Variants in DTNB observed in about 807,000 individuals in gnomAD.
DTNB encodes the protein DTN-B.
Under a neutral mutation model 90.7 loss-of-function variants are expected in DTNB, and 63 were observed. That is an observed-to-expected ratio of 0.69 (90% CI 0.57 to 0.86). DTNB has a LOEUF of 0.86. DTNB is among the 40% of genes least tolerant of loss of function. DTNB has a pLI of 0.00. For missense variants in DTNB, 744 were observed against 807.1 expected, an observed-to-expected ratio of 0.92 and a Z score of 0.95; for synonymous variants, 277 against 286.7, an observed-to-expected ratio of 0.97 and a Z score of 0.34.
At chr2:25,623,600 A>C (rs1286162326) in intron 4 of DTNB, among the ~76,000 whole-genome samples, 1 of 152,200 alleles carries the variant, frequency 6.6e-6, no homozygotes, top group Non-Finnish European at 1.5e-5. Context: ...TGGATTGTTA[A>C]GGTCTCCAGG....
chr2:25,577,164 G>A (rs947567686), intron 7 of DTNB, among the ~76,000 whole-genome samples, 160 bp from the exon 8 acceptor site: 7 of 152,162 alleles, frequency 4.6e-5, no homozygotes, highest in African/African-American at 1.4e-4. Flanking sequence ...GCCGGATGCG[G>A]TGGCTTGCCC....
chr2:25,557,701 G>A (rs1024125900), intron 8 of DTNB, among the ~76,000 whole-genome samples: 9 of 152,148 alleles, frequency 5.9e-5, no homozygotes, highest in Admixed American at 5.9e-4. Context: ...ATTCTTTCCA[G>A]GGAATTCTGG....
intron 1 of DTNB, among the ~76,000 whole-genome samples, chr2:25,663,829 A>G (rs1343796758): frequency 6.6e-6 from 1 of 152,230 alleles, no homozygotes; most frequent in African/African-American, 2.4e-5. Context: ...TCAGTTTTAC[A>G]CCAAACTCAA....
At chr2:25,672,801 C>A (rs1258841362) in intron 1 of DTNB, 1 of 152,218 alleles carries the variant, frequency 6.6e-6, no homozygotes, top group East Asian at 1.9e-4. Context: ...GGAAGGTCTT[C>A]CTAATCCCAA....
At chr2:25,409,316 T>C (rs1278133784) in intron 16 of DTNB, among the ~76,000 whole-genome samples, 5 of 152,340 alleles carry the variant, frequency 3.3e-5, no homozygotes, top group African/African-American at 1.2e-4. Context: ...TCTAGGTTTA[T>C]AGCCTTTCTC....
intron 8 of DTNB, among the ~76,000 whole-genome samples, chr2:25,556,823 C>T (rs577806020): frequency 2.0e-5 from 3 of 152,176 alleles, no homozygotes; most frequent in South Asian, 4.1e-4. Flanking sequence ...AAACTAGAAT[C>T]GCAGATTCAA....
intron 8 of DTNB, among the ~76,000 whole-genome samples, chr2:25,573,269 G>A (rs1168786411): frequency 6.6e-6 from 1 of 152,044 alleles, no homozygotes; most frequent in East Asian, 1.9e-4. Flanking sequence ...TTTAAAAACT[G>A]TTTATATCCA....
At chr2:25,663,587 G>GT (rs2083721826) in intron 1 of DTNB, among the ~76,000 whole-genome samples, 1 of 152,058 alleles carries the variant, frequency 6.6e-6, no homozygotes, top group Non-Finnish European at 1.5e-5. Flanking sequence ...AAATTCTCTG[G>GT]TAAGTCTTAT....
chr2:25,469,567 T>C (rs1179488855), intron 10 of DTNB, among the ~76,000 whole-genome samples: 1 of 152,124 alleles, frequency 6.6e-6, no homozygotes, highest in African/African-American at 2.4e-5. Flanking sequence ...TGCCTCAGCA[T>C]CCTGAGGAGC....
intron 7 of DTNB, among the ~76,000 whole-genome samples, chr2:25,578,752 T>C (rs1446961041): frequency 1.3e-5 from 2 of 152,206 alleles, no homozygotes; most frequent in Non-Finnish European, 2.9e-5. Flanking sequence ...CCTTGTTATA[T>C]ACCTACACTT....
At position 25,618,985 on chromosome 2, in the gene DTNB, T is replaced by C. The variant is rs1387839249; in HGVS notation, c.362+9186A>G. Among the ~76,000 whole-genome samples the C allele has an allele frequency of 2.0e-5, 3 of 152,374 alleles. No individual in the cohort carries two copies. The East Asian group carries it at 5.8e-4, about 29-fold the overall frequency. On this transcript the variant is annotated intron_variant, in intron 4 of 20. Coordinates refer to ENST00000406818, the MANE Select transcript of DTNB (RefSeq NM_021907.5). ...TATGTTTTAACATGCAGGTACCTTCTGAAGCCTCTGAAGTCCCCACCTGTT... is the reference window on the plus strand; with the variant it reads ...TATGTTTTAACATGCAGGTACCTTCCGAAGCCTCTGAAGTCCCCACCTGTT...
chr2:25,396,442 C>T (rs781395137), intron 16 of DTNB, among the ~76,000 whole-genome samples: 3 of 151,198 alleles, frequency 2.0e-5, no homozygotes, highest in South Asian at 2.1e-4. Context: ...ACCCAGGAGG[C>T]GGAGGGTGCA....
At position 25,551,102 on chromosome 2, in the gene DTNB, T is replaced by A. The variant is rs1450767626; in HGVS notation, c.877-19505A>T. 3.3e-5 allele frequency among the ~76,000 whole-genome samples: 5 copies of A among 152,238 alleles called. No individual in the cohort carries two copies. The East Asian group carries it at 5.8e-4, about 18-fold the overall frequency. Reference sequence around the variant, plus strand: ...TCTTGATGCTGAGTTTTGGAAGAACTTCTTCTCACCCTGATCTTTTAGTTA... The same window carrying A: ...TCTTGATGCTGAGTTTTGGAAGAACATCTTCTCACCCTGATCTTTTAGTTA... On this transcript the variant is annotated intron_variant, in intron 8 of 20. Coordinates refer to ENST00000406818, the MANE Select transcript of DTNB (RefSeq NM_021907.5).
At chr2:25,590,491 T>C (rs1478951431) in intron 6 of DTNB, among the ~76,000 whole-genome samples, 4 of 151,244 alleles carry the variant, frequency 2.6e-5, no homozygotes, top group African/African-American at 9.7e-5. Context: ...GACTCTGGAG[T>C]GGGTAGCTTC....
At chr2:25,466,105 A>T (rs1028540231) in intron 10 of DTNB, among the ~76,000 whole-genome samples, 7 of 152,132 alleles carry the variant, frequency 4.6e-5, no homozygotes, top group Non-Finnish European at 1.0e-4. Flanking sequence ...GAGGCTAAGG[A>T]GTAGACCACC....
intron 9 of DTNB, among the ~76,000 whole-genome samples, chr2:25,517,695 A>G (rs1274942337): frequency 6.6e-6 from 1 of 152,230 alleles, no homozygotes; most frequent in East Asian, 1.9e-4. Context: ...TACATACAAA[A>G]GAACTGAAAG....
intron 10 of DTNB, among the ~76,000 whole-genome samples, chr2:25,472,925 G>A (rs773371571): frequency 6.6e-6 from 1 of 152,252 alleles, no homozygotes. Context: ...CATTTTCTCT[G>A]TCACATCTCA....
chr2:25,650,133 G>C (rs1045167902), intron 2 of DTNB: 2 of 985,424 alleles, frequency 2.0e-6, no homozygotes, highest in Non-Finnish European at 1.2e-6. Flanking sequence ...TTCTTGGCAG[G>C]ACTACTTCAG....
At chr2:25,504,841 T>C (rs987153594) in intron 9 of DTNB, among the ~76,000 whole-genome samples, 9 of 152,166 alleles carry the variant, frequency 5.9e-5, no homozygotes, top group Admixed American at 2.6e-4. Context: ...AAATACCTTT[T>C]TGCAAAACTT....
Sources: allele counts gnomAD v4.1 joint callset (sites outside exome capture counted in the v4.1 genomes callset), GRCh38; gene constraint gnomAD v4.1.1; transcripts MANE v1.5; gene names NCBI Gene and HGNC (gene_info 2026-07-23, HGNC 2026-07-21).